CELF2: variants seen among roughly 807,000 people sequenced by gnomAD.
The protein encoded by CELF2 is CUGBP Elav-like family member 2, also known as CUG triplet repeat RNA-binding protein 2.
Under a neutral mutation model 62.6 loss-of-function variants are expected in CELF2, and 8 were observed. That is an observed-to-expected ratio of 0.13 (90% CI 0.07 to 0.23). The LOEUF is 0.23. CELF2 is among the 10% of genes least tolerant of loss of function. CELF2 has a pLI of 1.00. For missense variants in CELF2, 333 were observed against 671.0 expected (o/e 0.50, Z 5.56); for synonymous variants, 258 against 250.0 (o/e 1.03, Z -0.30).
At chr10:10,891,620 G>T (rs2062148394) in intron 1 of CELF2, among the ~76,000 whole-genome samples, 1 of 152,104 alleles carries the variant, frequency 6.6e-6, no homozygotes, top group Non-Finnish European at 1.5e-5. Context: ...TTTTTAAGAG[G>T]CAGAGCTGGA....
chr10:10,477,569 G>A, the CELF2 span, among the ~76,000 whole-genome samples: 1 of 152,052 alleles, frequency 6.6e-6, no homozygotes, highest in African/African-American at 2.4e-5. Flanking sequence ...CCCTGTCTTA[G>A]CTTTTTGACT....
chr10:10,929,283 T>G (rs565877712), intron 2 of CELF2, among the ~76,000 whole-genome samples: 29 of 152,294 alleles, frequency 1.9e-4, no homozygotes, highest in Admixed American at 4.6e-4. Context: ...AGTTATTATG[T>G]TATTATCTCT....
chr10:11,070,899 G>T (rs2069734366), intron 1 of CELF2, among the ~76,000 whole-genome samples: 2 of 152,120 alleles, frequency 1.3e-5, no homozygotes, highest in South Asian at 4.1e-4. Context: ...ACCTTAGTGG[G>T]AGATACTCCA....
chr10:10,981,223 G>A (rs1390269015), intron 2 of CELF2, among the ~76,000 whole-genome samples: 1 of 152,194 alleles, frequency 6.6e-6, no homozygotes, highest in Non-Finnish European at 1.5e-5. Flanking sequence ...TTAAGTACCT[G>A]TAATCAAAGG....
chr10:11,181,026 T>A (rs10795847), intron 2 of CELF2, among the ~76,000 whole-genome samples: 60,887 of 151,956 alleles, frequency 0.4, 13,147 homozygotes, highest in East Asian at 0.8. Flanking sequence ...GCTGCCAGTA[T>A]GCCCTGCTAA....
the CELF2 span, among the ~76,000 whole-genome samples, chr10:10,619,943 G>T: frequency 6.6e-6 from 1 of 152,134 alleles, no homozygotes; most frequent in Admixed American, 6.5e-5. Context: ...AAACCCACTT[G>T]CCCTAAGAGG....
rs869213973 is a variant in CELF2 at position 11,211,813 on chromosome 10, A to AGTGTGTGT, written c.272-5577_272-5570dup. Among the ~76,000 whole-genome samples, 22 of 89,360 alleles carry AGTGTGTGT rather than the reference A, an allele frequency of 2.5e-4. No individual in the cohort carries two copies. Among genetic ancestry groups the AGTGTGTGT allele is most frequent in the South Asian group, 1.4e-3 (4 of 2,954 alleles). The allele number at this position is 89,360 out of a possible 152,430, so 58.6% of individuals were successfully genotyped here. On this transcript the variant is annotated intron_variant, in intron 2 of 12. Transcript: ENST00000633077. This position sits in a 1 kb window ranked among gnomAD's most constrained non-coding sequence, Gnocchi z 4.8. ...GTGTGAGAGAGAGAGAGAGAGAGAGAGTGTGTGTGTGTGTGTGTGTGTGTG... is the reference window on the plus strand; with the variant it reads ...GTGTGAGAGAGAGAGAGAGAGAGAGAGTGTGTGTGTGTGTGTGTGTGTGTGTGTGTGTG...
In CELF2 at chr10:11,157,857, C is replaced by A. The variant is rs957594615; in HGVS notation, c.75-7629C>A. ...GCATAAATAAGTCCAGGCAAAGTAT[C>A]TTCAGTGGTGAAAACAGAAGTTACC... On this transcript the variant is annotated intron_variant, in intron 1 of 12. Transcript: ENST00000633077. This position sits in a 1 kb window ranked among gnomAD's most constrained non-coding sequence, Gnocchi z 4.9. Among the ~76,000 whole-genome samples, 2 of 152,208 alleles carry A rather than the reference C, an allele frequency of 1.3e-5. No individual in the cohort carries two copies. The highest frequency in any genetic ancestry group is 1.3e-4 in the Admixed American group (2 of 15,288).
chr10:11,144,523 A>G (rs1170088353), intron 1 of CELF2, among the ~76,000 whole-genome samples: 1 of 152,086 alleles, frequency 6.6e-6, no homozygotes, highest in Non-Finnish European at 1.5e-5. Flanking sequence ...AAAGCAGATT[A>G]GACAATGTTA....
chr10:10,481,559 T>C, the CELF2 span, among the ~76,000 whole-genome samples: 1 of 152,226 alleles, frequency 6.6e-6, no homozygotes, highest in Non-Finnish European at 1.5e-5. Flanking sequence ...TGGATTATTT[T>C]AGATTTGAAG....
At chr10:11,313,328 C>T (rs2094689727) in intron 9 of CELF2, among the ~76,000 whole-genome samples, 1 of 152,210 alleles carries the variant, frequency 6.6e-6, no homozygotes, top group Non-Finnish European at 1.5e-5. Context: ...GTTGGAATGA[C>T]AGACGTTCAC....
intron 1 of CELF2, among the ~76,000 whole-genome samples, chr10:10,817,637 G>T (rs2056589843): frequency 6.6e-6 from 1 of 152,170 alleles, no homozygotes; most frequent in South Asian, 2.1e-4. Flanking sequence ...CATCTATGTT[G>T]TTGCAAACGA....
chr10:10,538,100 G>A, the CELF2 span, among the ~76,000 whole-genome samples: 1 of 152,140 alleles, frequency 6.6e-6, no homozygotes, highest in Non-Finnish European at 1.5e-5. Flanking sequence ...AGGCATAAAG[G>A]GGAAGGCAGT....
At chr10:10,640,268 G>T in the CELF2 span, among the ~76,000 whole-genome samples, 915 of 152,240 alleles carry the variant, frequency 6.0e-3, 3 homozygotes, top group Non-Finnish European at 8.2e-3. Context: ...TTGAGTAAAG[G>T]CTTGGCTTCA....
At chr10:10,463,281 C>G in the CELF2 span, among the ~76,000 whole-genome samples, 2 of 152,144 alleles carry the variant, frequency 1.3e-5, no homozygotes, top group Non-Finnish European at 2.9e-5. Flanking sequence ...TATACTCTGC[C>G]TGGAACGGCT....
intron 1 of CELF2, among the ~76,000 whole-genome samples, chr10:10,898,930 A>T (rs2062748435): frequency 6.6e-6 from 1 of 152,266 alleles, no homozygotes; most frequent in Non-Finnish European, 1.5e-5. Context: ...AAAATATTGA[A>T]TTATAAATCA....
intron 1 of CELF2, among the ~76,000 whole-genome samples, chr10:11,158,104 T>G (rs116845543): frequency 1.3e-3 from 204 of 152,350 alleles, no homozygotes; most frequent in Non-Finnish European, 2.4e-3. Flanking sequence ...ACAAGGATTC[T>G]CTTTGTAGTT....
At chr10:11,108,553 C>A (rs1388572469) in intron 1 of CELF2, among the ~76,000 whole-genome samples, 2 of 152,138 alleles carry the variant, frequency 1.3e-5, no homozygotes, top group Non-Finnish European at 2.9e-5. Flanking sequence ...ATGCACATAT[C>A]CCCTTAGGGC....
intron 1 of CELF2, among the ~76,000 whole-genome samples, chr10:11,090,717 AAG>A (rs1260062803): frequency 6.6e-6 from 1 of 152,238 alleles, no homozygotes. Flanking sequence ...GATAAGGAAA[AAG>A]GCTAATAATT....
Sources: gnomAD v4.1 joint callset for allele counts (sites outside exome capture counted in the v4.1 genomes callset) on GRCh38, gnomAD v4.1.1 for gene constraint, Gnocchi (gnomAD v3.1) non-coding constraint, MANE v1.5 for transcripts, NCBI Gene and HGNC (gene_info 2026-07-23, HGNC 2026-07-21) for gene names.